CNTN5: variants seen among roughly 807,000 people sequenced by gnomAD.
CNTN5 encodes the protein contactin-5.
CNTN5 carries 77 observed loss-of-function variants against 129.1 expected under a neutral mutation model. The observed-to-expected ratio is 0.60, with a 90% CI of 0.50 to 0.72. CNTN5 has a LOEUF of 0.72. CNTN5 is among the 30% of genes least tolerant of loss of function. The probability of loss-of-function intolerance (pLI) is 0.00; values close to 1 mark genes in which losing one functional copy is unlikely to be tolerated. For synonymous variants in CNTN5, 509 were observed against 465.6 expected (o/e 1.09, Z -1.20); for missense variants, 1,478 against 1,328.8 (o/e 1.11, Z -1.75).
chr11:99,149,808 G>A (rs556342704), intron 1 of CNTN5, among the ~76,000 whole-genome samples: 20 of 152,096 alleles, frequency 1.3e-4, no homozygotes, highest in African/African-American at 4.8e-4. Flanking sequence ...ACAAAAAAAT[G>A]TATGAGAAAG....
intron 13 of CNTN5, among the ~76,000 whole-genome samples, chr11:100,144,527 T>A (rs537448883): frequency 8.5e-5 from 13 of 152,148 alleles, no homozygotes; most frequent in Non-Finnish European, 1.6e-4. Flanking sequence ...TTAAACAGAC[T>A]TAGACCTTCT....
rs79655494 is a variant in CNTN5, at chr11:99,202,193, A to G, written c.-209-123153A>G. ...GCTTTAAAAAGTTGCTGAGCCAATTACTCATCTAAAAGTTTTTCTGAAGCT... is the reference window on the plus strand; with the variant it reads ...GCTTTAAAAAGTTGCTGAGCCAATTGCTCATCTAAAAGTTTTTCTGAAGCT... On this transcript the variant is annotated intron_variant, in intron 1 of 24. Coordinates refer to ENST00000524871, the MANE Select transcript of CNTN5 (RefSeq NM_014361.4). 4.6e-3 allele frequency among the ~76,000 whole-genome samples: 694 copies of G among 152,294 alleles called. 7 individuals carry two copies. Among genetic ancestry groups the G allele is most frequent in the African/African-American group, 0.014 (596 of 41,566 alleles).
intron 3 of CNTN5, among the ~76,000 whole-genome samples, chr11:99,591,648 A>G (rs1346555301): frequency 3.3e-5 from 5 of 151,828 alleles, no homozygotes; most frequent in African/African-American, 4.8e-5. Flanking sequence ...CCTCAACAAA[A>G]CCTTTTTATT....
intron 2 of CNTN5, among the ~76,000 whole-genome samples, chr11:99,363,254 A>C (rs1481735421): frequency 6.6e-6 from 1 of 152,090 alleles, no homozygotes; most frequent in African/African-American, 2.4e-5. Context: ...ATCCCTACGT[A>C]TTTTATTCTT....
chr11:100,044,492 T>A (rs1942559782), intron 9 of CNTN5, among the ~76,000 whole-genome samples: 1 of 108,798 alleles, frequency 9.2e-6, no homozygotes, highest in Admixed American at 9.3e-5. Flanking sequence ...TTTGCTAACA[T>A]CTTTTTTTTT....
chr11:100,133,746 G>C (rs541763880), intron 13 of CNTN5, among the ~76,000 whole-genome samples: 1 of 152,218 alleles, frequency 6.6e-6, no homozygotes, highest in East Asian at 1.9e-4. Context: ...AAAGGGTCTA[G>C]ACTATTTGGC....
At chr11:99,546,132 G>C (rs1025728507) in intron 2 of CNTN5, among the ~76,000 whole-genome samples, 2 of 152,222 alleles carry the variant, frequency 1.3e-5, no homozygotes, top group South Asian at 4.2e-4. Context: ...ACTTTGTCAC[G>C]TCTCTTTGTC....
chr11:99,034,152 G>T (rs1452276311), intron 1 of CNTN5, among the ~76,000 whole-genome samples: 1 of 152,120 alleles, frequency 6.6e-6, no homozygotes, highest in Non-Finnish European at 1.5e-5. Context: ...TTTTTGATGT[G>T]CTGCTGGATT....
chr11:99,812,959 TG>T (rs1946474418), intron 3 of CNTN5, among the ~76,000 whole-genome samples: 1 of 151,988 alleles, frequency 6.6e-6, no homozygotes, highest in African/African-American at 2.4e-5. Context: ...AGAATAATTT[TG>T]TTTGTTTAAT....
intron 18 of CNTN5, among the ~76,000 whole-genome samples, chr11:100,293,836 G>T (rs1951047650): frequency 6.6e-6 from 1 of 151,694 alleles, no homozygotes; most frequent in East Asian, 1.9e-4. Flanking sequence ...AAATAACACT[G>T]GTTTTTCTGG....
chr11:100,082,722 C>T (rs576841529), intron 13 of CNTN5, among the ~76,000 whole-genome samples: 17 of 152,108 alleles, frequency 1.1e-4, no homozygotes, highest in Admixed American at 7.2e-4. Flanking sequence ...TCTGCATGGA[C>T]ACAAATACAT....
chr11:99,775,882 C>A (rs183101944), intron 3 of CNTN5, among the ~76,000 whole-genome samples: 3 of 151,784 alleles, frequency 2.0e-5, no homozygotes, highest in African/African-American at 7.3e-5. Flanking sequence ...TCCTTAATAA[C>A]GTTAAATATA....
chr11:100,091,729 T>C (rs891310210), intron 13 of CNTN5, among the ~76,000 whole-genome samples: 1 of 152,084 alleles, frequency 6.6e-6, no homozygotes, highest in Non-Finnish European at 1.5e-5. Context: ...GCCCAGCCTA[T>C]TTATTCATTT....
chr11:99,812,442 C>G (rs943210247), intron 3 of CNTN5, among the ~76,000 whole-genome samples: 2 of 151,950 alleles, frequency 1.3e-5, no homozygotes, highest in Non-Finnish European at 2.9e-5. Flanking sequence ...AATAACTAAA[C>G]TCTAGATAAT....
chr11:100,336,975 G>C, intron 21 of CNTN5: 2 of 742,246 alleles, frequency 2.7e-6, no homozygotes, highest in Non-Finnish European at 4.9e-6. Flanking sequence ...GAAATCAAGA[G>C]CCAGAGCACA....
chr11:100,120,153 CTATTATAGGA>C (rs1945969455), intron 13 of CNTN5, among the ~76,000 whole-genome samples: 2 of 151,984 alleles, frequency 1.3e-5, no homozygotes, highest in South Asian at 4.1e-4. Flanking sequence ...TCACTTTTCA[CTATTATAGGA>C]TATTTTAAAA....
At chr11:99,888,392 T>A (rs1392265594) in intron 6 of CNTN5, among the ~76,000 whole-genome samples, 1 of 152,094 alleles carries the variant, frequency 6.6e-6, no homozygotes, top group Non-Finnish European at 1.5e-5. Flanking sequence ...TTGACAAAGT[T>A]GAAATGTTGA....
At chr11:100,323,050 T>C (rs570806996) in intron 21 of CNTN5, among the ~76,000 whole-genome samples, 1 of 152,228 alleles carries the variant, frequency 6.6e-6, no homozygotes, top group Non-Finnish European at 1.5e-5. Flanking sequence ...CTAAAGTATA[T>C]GCTTTTTAAA....
chr11:99,575,388 G>C (rs1162125584), intron 3 of CNTN5, among the ~76,000 whole-genome samples: 1 of 152,110 alleles, frequency 6.6e-6, no homozygotes, highest in African/African-American at 2.4e-5. Context: ...CTCGGAATAG[G>C]TACCAGAGGA....
Sources: gnomAD v4.1 joint callset for allele counts (sites outside exome capture counted in the v4.1 genomes callset) on GRCh38, gnomAD v4.1.1 for gene constraint, MANE v1.5 for transcripts, NCBI Gene and HGNC (gene_info 2026-07-23, HGNC 2026-07-21) for gene names.